The following EFHC1 variants were observed in gnomAD, a reference collection of about 807,000 sequenced individuals.
The protein encoded by EFHC1 is EF-hand domain containing 1, also known as EF-hand domain-containing protein 1.
Under a neutral mutation model 69.9 loss-of-function variants are expected in EFHC1, and 53 were observed. The ratio of observed to expected loss-of-function variants is 0.76; its 90% CI spans 0.61 to 0.95. The LOEUF (loss-of-function observed/expected upper bound fraction) is 0.95. Ranked by LOEUF, EFHC1 falls within the 40% of genes least tolerant of loss-of-function variation. The probability of loss-of-function intolerance (pLI) is 0.00; values close to 1 mark genes in which losing one functional copy is unlikely to be tolerated. For synonymous variants in EFHC1, 256 were observed against 278.4 expected, an observed-to-expected ratio of 0.92 and a Z score of 0.80; for missense variants, 739 against 798.7, an observed-to-expected ratio of 0.93 and a Z score of 0.90.
At position 52,479,098 on chromosome 6, in the gene EFHC1, A is replaced by G; in HGVS notation, c.1340A>G (p.Asp447Gly). The G allele has an allele frequency of 6.2e-7, 1 of 1,614,128 alleles. No homozygotes were observed. Among genetic ancestry groups the G allele is most frequent in the Non-Finnish European group, 8.5e-7 (1 of 1,180,012 alleles). ...RFVFSYFLAT[D>G]MISIFEPPVR... The stretch of plus-strand genomic sequence containing the variant: ...GTCTTCTCTTACTTTCTAGCTACCG[A>G]CATGATCAGTATCTTTGAGCCTCCT... Residue 447 changes from aspartate to glycine, a missense_variant, in exon 8 of 11, where the codon GAC (aspartate) becomes GGC (glycine). Asp to Gly is a moderately conservative substitution (Grantham distance 94). Coordinates refer to ENST00000371068, the MANE Select transcript of EFHC1 (RefSeq NM_018100.4).
Position 52,492,420 on chromosome 6 carries a change from C to A in EFHC1, c.*79C>A, listed in dbSNP as rs766555611. 5 of 1,373,398 alleles carry A rather than the reference C, an allele frequency of 3.6e-6. No homozygotes were observed. The highest frequency in any genetic ancestry group is 5.1e-6 in the Non-Finnish European group (5 of 971,824). The allele number at this position is 1,373,398 out of a possible 1,614,324, so 85.1% of individuals were successfully genotyped here. A position where few individuals can be genotyped will look rare whatever the true frequency, so the allele number is the denominator to read the frequency against. On this transcript the variant is annotated 3_prime_UTR_variant, in exon 11 of 11. Transcript: ENST00000371068. ...ATACACCTTACACTCTTCATAGAGG[C>A]ATTTACAGGGTTCCTGAAGTTTTAT...
At position 52,423,977 on chromosome 6, in the gene EFHC1, G is replaced by A. The variant is rs1199605013; in HGVS notation, c.95G>A (p.Ser32Asn). 5 of 1,613,960 alleles carry A rather than the reference G, an allele frequency of 3.1e-6. No homozygotes were observed. Among genetic ancestry groups the A allele is most frequent in the South Asian group, 1.1e-5 (1 of 91,086 alleles). Residue 32 changes from serine to asparagine, a missense_variant, in exon 2 of 11, where the codon AGC becomes AAC. Physicochemically the swap from Ser to Asn is conservative, Grantham distance 46. Coordinates refer to ENST00000371068, the MANE Select transcript of EFHC1 (RefSeq NM_018100.4). Reference sequence around the variant, plus strand: ...GCCTTCCACAGAAGTCAGACGCTGAGCTACAGGAACGGCTATGCAATTGTT... The same window carrying A: ...GCCTTCCACAGAAGTCAGACGCTGAACTACAGGAACGGCTATGCAATTGTT... The part of the protein sequence containing the change: ...KTAFHRSQTL[S>N]YRNGYAIVRR...
intron 7 of EFHC1, among the ~76,000 whole-genome samples, chr6:52,478,487 T>A (rs1402545920): frequency 6.6e-6 from 1 of 152,206 alleles, no homozygotes; most frequent in East Asian, 1.9e-4. Flanking sequence ...AATTCTTTGA[T>A]TTTATATTAC....
intron 2 of EFHC1, 149 bp from the exon 3 acceptor site, chr6:52,438,155 T>G: frequency 1.3e-6 from 1 of 787,256 alleles, no homozygotes; most frequent in Non-Finnish European, 2.0e-6. Context: ...GCAGTATCTG[T>G]AGTTTTAGAG....
chr6:52,473,724 G>C (rs616248), intron 7 of EFHC1, among the ~76,000 whole-genome samples: 1 of 151,996 alleles, frequency 6.6e-6, no homozygotes, highest in Non-Finnish European at 1.5e-5. Flanking sequence ...GGAGGTTGCA[G>C]TGAGCCGAGA....
intron 3 of EFHC1, among the ~76,000 whole-genome samples, chr6:52,444,593 A>G (rs1764738174): frequency 6.6e-6 from 1 of 152,138 alleles, no homozygotes; most frequent in African/African-American, 2.4e-5. Context: ...GATTCCATTT[A>G]TTGATTCGTG....
In EFHC1 at chr6:52,440,837, G is replaced by A. The variant is rs143227280; in HGVS notation, c.573+2246G>A. Among the ~76,000 whole-genome samples, 168 of 152,174 alleles carry A rather than the reference G, an allele frequency of 1.1e-3. 2 individuals are homozygous for A. Among genetic ancestry groups the A allele is most frequent in the African/African-American group, 3.8e-3 (158 of 41,536 alleles). ...TTTAATAATAGCCATTCTGACTGGT[G>A]TGAGATGATATTTCATTGTGGTTTT... On this transcript the variant is annotated intron_variant, in intron 3 of 10. Coordinates refer to ENST00000371068, the MANE Select transcript of EFHC1 (RefSeq NM_018100.4).
At chr6:52,459,652 G>GT (rs1245294178) in intron 5 of EFHC1, among the ~76,000 whole-genome samples, 3 of 151,802 alleles carry the variant, frequency 2.0e-5, no homozygotes, top group Admixed American at 1.3e-4. Flanking sequence ...AGCGTGACAG[G>GT]TTTTTTTGTT....
At chr6:52,490,613 A>G (rs1765880378) in intron 10 of EFHC1, 2 of 591,952 alleles carry the variant, frequency 3.4e-6, no homozygotes, top group Non-Finnish European at 6.0e-6. Context: ...TCAGGACTGA[A>G]GAAGGGCAAC....
chr6:52,479,142 A>T lies in EFHC1; in HGVS notation c.1384A>T (p.Ile462Phe). 1 of 1,614,122 alleles carries T rather than the reference A, an allele frequency of 6.2e-7. No homozygotes were observed. The highest frequency in any genetic ancestry group is 8.5e-7 in the Non-Finnish European group (1 of 1,179,980). The change falls in exon 8 of 11, where the codon ATT (isoleucine) becomes TTT (phenylalanine). Residue 462 changes from isoleucine (I) to phenylalanine (F), a missense_variant. Ile to Phe is a conservative substitution (Grantham distance 21, BLOSUM62 0). Coordinates refer to ENST00000371068, the MANE Select transcript of EFHC1 (RefSeq NM_018100.4). ...FEPPVRNSGI[I>F]GGKYLGRTKV... ...GCCTCCTGTTCGCAATTCTGGTATC[A>T]TTGGGGGCAAGTACCTTGGCAGGAC... is the stretch of plus-strand genomic sequence containing the variant.
At position 52,421,987 on chromosome 6, in the gene EFHC1, C is replaced by T. The variant is rs79682898; in HGVS notation, c.63+1514C>T. Reference sequence around the variant, plus strand: ...GGACATATTTCAGATTTTAAATACACTGGCCAAGTGTCAACCAATTTGCCC... The same window carrying T: ...GGACATATTTCAGATTTTAAATACATTGGCCAAGTGTCAACCAATTTGCCC... On this transcript the variant is annotated intron_variant, in intron 1 of 10. Transcript: ENST00000371068. 3.3e-3 allele frequency among the ~76,000 whole-genome samples: 502 copies of T among 152,330 alleles called. 3 individuals are homozygous for T. Among genetic ancestry groups the T allele is most frequent in the African/African-American group, 0.012 (487 of 41,572 alleles).
At chr6:52,437,002 G>A (rs1356227615) in intron 2 of EFHC1, among the ~76,000 whole-genome samples, 2 of 152,098 alleles carry the variant, frequency 1.3e-5, no homozygotes, top group Non-Finnish European at 1.5e-5. Flanking sequence ...TCACATTGAT[G>A]ATGATGCTCC....
intron 3 of EFHC1, among the ~76,000 whole-genome samples, chr6:52,447,837 C>T (rs1764821170): frequency 6.6e-6 from 1 of 152,234 alleles, no homozygotes; most frequent in African/African-American, 2.4e-5. Flanking sequence ...TGGAGGTCCA[C>T]TTCAGACCCT....
intron 7 of EFHC1, among the ~76,000 whole-genome samples, chr6:52,475,818 C>T (rs142202058): frequency 6.6e-6 from 1 of 152,292 alleles, no homozygotes; most frequent in East Asian, 1.9e-4. Context: ...CAAATATTTG[C>T]TCTCATGGAG....
At chr6:52,441,465 C>T (rs1427354626) in intron 3 of EFHC1, among the ~76,000 whole-genome samples, 1 of 152,050 alleles carries the variant, frequency 6.6e-6, no homozygotes, top group Non-Finnish European at 1.5e-5. Flanking sequence ...GTCTATGTGT[C>T]TGTTTTTGTA....
intron 2 of EFHC1, among the ~76,000 whole-genome samples, chr6:52,431,292 A>T (rs1202809187): frequency 3.3e-5 from 5 of 151,912 alleles, no homozygotes; most frequent in Non-Finnish European, 7.4e-5. Context: ...GTGTGGCCTT[A>T]GATTGTCTGT....
At chr6:52,431,818 A>T (rs959994358) in intron 2 of EFHC1, among the ~76,000 whole-genome samples, 1 of 151,912 alleles carries the variant, frequency 6.6e-6, no homozygotes, top group African/African-American at 2.4e-5. Flanking sequence ...CCCTATTATT[A>T]TGTTGCTGTC....
chr6:52,478,282 G>A (rs1195414631), intron 7 of EFHC1, among the ~76,000 whole-genome samples: 2 of 151,910 alleles, frequency 1.3e-5, no homozygotes, highest in African/African-American at 4.8e-5. Flanking sequence ...TGGTGGGGTG[G>A]GAGGAGGGGG....
At chr6:52,432,187 A>T (rs1764431167) in intron 2 of EFHC1, among the ~76,000 whole-genome samples, 1 of 152,192 alleles carries the variant, frequency 6.6e-6, no homozygotes, top group Non-Finnish European at 1.5e-5. Context: ...TAGGCTATTT[A>T]CATTCAACAT....
Sources: allele counts gnomAD v4.1 joint callset (sites outside exome capture counted in the v4.1 genomes callset), GRCh38; gene constraint gnomAD v4.1.1; transcripts MANE v1.5; gene names NCBI Gene and HGNC (gene_info 2026-07-23, HGNC 2026-07-21).